QTMAN: variants seen among roughly 807,000 people sequenced by gnomAD.
QTMAN encodes the protein tRNA-queuosine alpha-mannosyltransferase.
chr2:144,302,711 T>G, the QTMAN span, among the ~76,000 whole-genome samples: 2 of 152,184 alleles, frequency 1.3e-5, no homozygotes, highest in African/African-American at 2.4e-5. Context: ...CAGCATTTGA[T>G]GGGCTTACAA....
At chr2:144,098,248 A>G in the QTMAN span, among the ~76,000 whole-genome samples, 1 of 152,358 alleles carries the variant, frequency 6.6e-6, no homozygotes, top group East Asian at 1.9e-4. Context: ...TTAGACAGTA[A>G]TTACATAAGC....
At chr2:144,230,487 A>T in the QTMAN span, among the ~76,000 whole-genome samples, 1 of 152,314 alleles carries the variant, frequency 6.6e-6, no homozygotes, top group African/African-American at 2.4e-5. Flanking sequence ...AACCTAGGCC[A>T]CCATTCAATA....
chr2:144,237,969 A>C, the QTMAN span, among the ~76,000 whole-genome samples: 3 of 152,192 alleles, frequency 2.0e-5, no homozygotes, highest in Non-Finnish European at 4.4e-5. Context: ...CATGTGAGAG[A>C]GCCATTTTCT....
chr2:144,225,869 G>T, the QTMAN span, among the ~76,000 whole-genome samples: 1 of 152,190 alleles, frequency 6.6e-6, no homozygotes, highest in Non-Finnish European at 1.5e-5. Flanking sequence ...ATGTGTGTGT[G>T]TGTCTCCCAA....
the QTMAN span, among the ~76,000 whole-genome samples, chr2:144,271,374 T>C: frequency 6.6e-6 from 1 of 152,162 alleles, no homozygotes; most frequent in South Asian, 2.1e-4. Context: ...ACAATCTAAA[T>C]ATTGAACAGC....
the QTMAN span, among the ~76,000 whole-genome samples, chr2:144,192,109 CTTTT>C: frequency 6.8e-6 from 1 of 146,662 alleles, no homozygotes; most frequent in Non-Finnish European, 1.5e-5. Flanking sequence ...ATCTTAACTC[CTTTT>C]TTTTTTTCTT....
the QTMAN span, among the ~76,000 whole-genome samples, chr2:144,039,677 T>C: frequency 6.6e-6 from 1 of 152,280 alleles, no homozygotes; most frequent in East Asian, 1.9e-4. Flanking sequence ...TCATCTCACA[T>C]AGGCACAACC....
At chr2:143,970,723 T>C in the QTMAN span, 7 of 1,606,866 alleles carry the variant, frequency 4.4e-6, no homozygotes, top group Non-Finnish European at 6.0e-6. Context: ...TAAGATGCAT[T>C]AATACCTTAA....
chr2:144,173,128 A>G, the QTMAN span, among the ~76,000 whole-genome samples: 1 of 151,836 alleles, frequency 6.6e-6, no homozygotes, highest in Admixed American at 6.6e-5. Flanking sequence ...GCTGTGCTTA[A>G]CTCTGTTCTT....
chr2:144,186,859 C>G, the QTMAN span, among the ~76,000 whole-genome samples: 1 of 152,104 alleles, frequency 6.6e-6, no homozygotes, highest in Non-Finnish European at 1.5e-5. Flanking sequence ...ATGTCATCAC[C>G]TAACTCTCCT....
At chr2:144,301,764 A>G in the QTMAN span, among the ~76,000 whole-genome samples, 4 of 152,182 alleles carry the variant, frequency 2.6e-5, no homozygotes, top group South Asian at 2.1e-4. Flanking sequence ...CAGGTTCCAC[A>G]AACAGTGGCC....
At chr2:143,958,778 CTTTCTTTTTT>C in the QTMAN span, among the ~76,000 whole-genome samples, 1 of 135,702 alleles carries the variant, frequency 7.4e-6, no homozygotes, top group African/African-American at 2.7e-5. Context: ...TTATTTCTTT[CTTTCTTTTTT>C]TTTTTTTTTT....
chr2:144,140,575 A>G, the QTMAN span, among the ~76,000 whole-genome samples: 4 of 152,080 alleles, frequency 2.6e-5, no homozygotes, highest in African/African-American at 9.7e-5. Flanking sequence ...AAATACATAG[A>G]TAATATACGT....
At chr2:144,090,387 A>G in the QTMAN span, among the ~76,000 whole-genome samples, 1 of 152,112 alleles carries the variant, frequency 6.6e-6, no homozygotes, top group African/African-American at 2.4e-5. Context: ...ATTAAAATAA[A>G]TAAAAGGCAT....
the QTMAN span, among the ~76,000 whole-genome samples, chr2:144,253,923 G>A: frequency 2.0e-5 from 3 of 152,202 alleles, no homozygotes; most frequent in East Asian, 5.8e-4. Flanking sequence ...AGAGGCCTAG[G>A]AGGGAAAAAT....
At chr2:144,176,432 G>T in the QTMAN span, among the ~76,000 whole-genome samples, 1 of 151,890 alleles carries the variant, frequency 6.6e-6, no homozygotes, top group Non-Finnish European at 1.5e-5. Context: ...ATTAAAGTCA[G>T]CTACAAGACA....
the QTMAN span, among the ~76,000 whole-genome samples, chr2:144,047,098 CT>C: frequency 6.6e-6 from 1 of 152,060 alleles, no homozygotes; most frequent in Non-Finnish European, 1.5e-5. Context: ...TGGCAAAACC[CT>C]ATCTCTACTA....
chr2:144,063,607 C>T, the QTMAN span, among the ~76,000 whole-genome samples: 1 of 152,054 alleles, frequency 6.6e-6, no homozygotes, highest in Admixed American at 6.6e-5. Flanking sequence ...AAGAGTAGGT[C>T]ATTTTTGCTT....
the QTMAN span, among the ~76,000 whole-genome samples, chr2:144,303,355 C>T: frequency 3.9e-5 from 6 of 152,102 alleles, no homozygotes; most frequent in Non-Finnish European, 8.8e-5. Context: ...TTAAAACCTC[C>T]TTTTGTGAAT....
Sources: allele counts gnomAD v4.1 joint callset (sites outside exome capture counted in the v4.1 genomes callset), GRCh38; gene constraint gnomAD v4.1.1; transcripts MANE v1.5; gene names NCBI Gene and HGNC (gene_info 2026-07-23, HGNC 2026-07-21).